Variants in TRAF5 observed in about 807,000 individuals in gnomAD.
The protein encoded by TRAF5 is TNF receptor associated factor 5.
In TRAF5, 48 loss-of-function variants were observed where a neutral mutation model predicts 64.5. The ratio of observed to expected loss-of-function variants is 0.74; its 90% CI spans 0.59 to 0.95. TRAF5 has a LOEUF of 0.95. Among genes scored for constraint, TRAF5 ranks in the 40% least tolerant of loss-of-function variants. TRAF5 has a pLI of 0.00. For synonymous variants in TRAF5, 206 were observed against 240.5 expected (o/e 0.86, Z 1.33); for missense variants, 545 against 662.8 (o/e 0.82, Z 1.95).
chr1:211,369,328 C>A, intron 8 of TRAF5, 124 bp from the exon 9 acceptor site: 1 of 931,130 alleles, frequency 1.1e-6, no homozygotes, highest in Non-Finnish European at 1.5e-6. Flanking sequence ...AAATATTTTC[C>A]TAGAAATAAA....
In TRAF5 at chr1:211,372,310, A is replaced by G. The variant is rs2102777185; in HGVS notation, c.1282A>G (p.Ile428Val). Residue 428 changes from isoleucine to valine, a missense_variant, in exon 11 of 11, where the codon ATC becomes GTC. By Grantham distance (29) the Ile-to-Val change is conservative. Coordinates refer to ENST00000261464, the MANE Select transcript of TRAF5 (RefSeq NM_001033910.3). ...REAVDGHTVS[I>V]FSQSFYTSRC... ...GGCGGTGGATGGGCACACAGTGTCC[A>G]TCTTCAGCCAGTCCTTCTACACCAG... is the stretch of plus-strand genomic sequence containing the variant. 3.7e-6 allele frequency: 6 copies of G among 1,614,178 alleles called. No individual in the cohort carries two copies. Among genetic ancestry groups the G allele is most frequent in the East Asian group, 2.2e-5 (1 of 44,876 alleles).
Position 211,373,287 on chromosome 1 carries a change from G to A in TRAF5, c.*585G>A, listed in dbSNP as rs1045774714. 1 of 152,278 alleles carries A rather than the reference G, an allele frequency of 6.6e-6. No homozygotes were observed. The highest frequency in any genetic ancestry group is 2.4e-5 in the African/African-American group (1 of 41,418). The allele number at this position is 152,278 out of a possible 1,614,324, so 9.4% of individuals were successfully genotyped here. A position where few individuals can be genotyped will look rare whatever the true frequency, so the allele number is the denominator to read the frequency against. ...AATTCACCAGCAGTTTGCAAGCACA[G>A]TTTTGCAAGGCTGCATAAGAACTGG... is the stretch of plus-strand genomic sequence containing the variant. On this transcript the variant is annotated 3_prime_UTR_variant, in exon 11 of 11. Transcript: ENST00000261464.
chr1:211,371,650 A>G (rs1212537827), intron 10 of TRAF5, among the ~76,000 whole-genome samples, 180 bp downstream of exon 10: 1 of 152,188 alleles, frequency 6.6e-6, no homozygotes, highest in Non-Finnish European at 1.5e-5. Flanking sequence ...AGGGAGGGCC[A>G]CAAGGGGGGT....
chr1:211,336,514 T>C (rs1288513327), intron 1 of TRAF5, among the ~76,000 whole-genome samples: 2 of 152,214 alleles, frequency 1.3e-5, no homozygotes, highest in Non-Finnish European at 2.9e-5. Context: ...TTTCAGGACT[T>C]ACAAACAGGT....
chr1:211,347,048 C>T (rs1702632575), intron 1 of TRAF5, among the ~76,000 whole-genome samples: 1 of 151,968 alleles, frequency 6.6e-6, no homozygotes, highest in South Asian at 2.1e-4. Flanking sequence ...CCATTGACTG[C>T]AGAAAGGTGA....
At chr1:211,365,962 C>T (rs373367377) in intron 8 of TRAF5, among the ~76,000 whole-genome samples, 1 of 152,170 alleles carries the variant, frequency 6.6e-6, no homozygotes, top group Non-Finnish European at 1.5e-5. Context: ...TTTGCAGAAG[C>T]TTTGCAACCC....
chr1:211,356,449 T>C lies in TRAF5; in HGVS notation c.359T>C (p.Val120Ala). The C allele has an allele frequency of 6.2e-7, 1 of 1,614,094 alleles. No individual in the cohort carries two copies. Among genetic ancestry groups the C allele is most frequent in the Non-Finnish European group, 8.5e-7 (1 of 1,179,930 alleles). The change falls in exon 4 of 11, where the codon GTT becomes GCT. Residue 120 changes from valine (V) to alanine (A), a missense_variant. Val to Ala is a moderately conservative substitution (Grantham distance 64). Coordinates refer to ENST00000261464, the MANE Select transcript of TRAF5 (RefSeq NM_001033910.3). ...AATGCTCCTGGATGTAATGCCAAGG[T>C]TATTCTGGGCCGGTACCAGGTTGGT... ...CSNAPGCNAK[V>A]ILGRYQDHLQ...
intron 1 of TRAF5, among the ~76,000 whole-genome samples, chr1:211,344,167 G>A (rs918634665): frequency 6.6e-6 from 1 of 152,154 alleles, no homozygotes; most frequent in Non-Finnish European, 1.5e-5. Flanking sequence ...AGGCCAGCAT[G>A]GGTGTGCAGC....
chr1:211,362,875 A>G (rs1405461476), intron 7 of TRAF5, among the ~76,000 whole-genome samples: 3 of 151,764 alleles, frequency 2.0e-5, no homozygotes, highest in East Asian at 1.9e-4. Context: ...GACAAAAAAA[A>G]GGGGGGGGCT....
At chr1:211,362,056 C>G (rs942966742) in intron 7 of TRAF5, among the ~76,000 whole-genome samples, 1 of 105,716 alleles carries the variant, frequency 9.5e-6, no homozygotes, top group Non-Finnish European at 2.0e-5. Context: ...GGGGTTACTC[C>G]TCTCATGATT....
chr1:211,363,131 G>A (rs931256320), intron 7 of TRAF5, among the ~76,000 whole-genome samples: 2 of 152,000 alleles, frequency 1.3e-5, no homozygotes, highest in Admixed American at 6.5e-5. Context: ...AGGGCAATTT[G>A]GTTATCTCTA....
At chr1:211,348,947 C>A (rs563628077) in intron 1 of TRAF5, among the ~76,000 whole-genome samples, 10 of 150,996 alleles carry the variant, frequency 6.6e-5, no homozygotes, top group African/African-American at 2.4e-4. Flanking sequence ...CTATAGTAAT[C>A]CCATTGCTTT....
chr1:211,336,682 C>A (rs777510389), intron 1 of TRAF5, among the ~76,000 whole-genome samples: 4 of 152,168 alleles, frequency 2.6e-5, no homozygotes, highest in African/African-American at 9.7e-5. Context: ...TGTTTTGAGA[C>A]GGAGTCTTGC....
chr1:211,354,544 G>A, intron 3 of TRAF5, 77 bp downstream of exon 3: 3 of 1,469,336 alleles, frequency 2.0e-6, no homozygotes, highest in Non-Finnish European at 2.8e-6. Context: ...ATTGAGATAG[G>A]AGCAGGAGAG....
At chr1:211,347,662 A>G (rs1442572603) in intron 1 of TRAF5, among the ~76,000 whole-genome samples, 1 of 152,222 alleles carries the variant, frequency 6.6e-6, no homozygotes, top group Non-Finnish European at 1.5e-5. Flanking sequence ...AGCAGGAGCA[A>G]GGAGACTGTG....
intron 1 of TRAF5, chr1:211,346,272 C>A (rs938096354): frequency 4.1e-6 from 3 of 733,812 alleles, no homozygotes; most frequent in African/African-American, 1.9e-5. Context: ...TGTAATTGAT[C>A]ATTTTTGTGC....
At position 211,372,199 on chromosome 1, in the gene TRAF5, G is replaced by T. The variant is rs746320684; in HGVS notation, c.1171G>T (p.Glu391Ter). The part of the protein sequence containing the change: ...NIHKAQLSKN[E>*]ERFKLLEGTC... ...TCATAAAGCACAGCTGAGTAAAAAT[G>T]AAGAGCGATTTAAACTGCTGGAGGG... is the stretch of plus-strand genomic sequence containing the variant. Residue 391 changes from glutamate to a stop codon, truncating the protein, a stop_gained, in exon 11 of 11, where the codon GAA (glutamate) becomes TAA (stop). Coordinates refer to ENST00000261464, the MANE Select transcript of TRAF5 (RefSeq NM_001033910.3). LOFTEE classifies it high-confidence loss of function. 6.2e-7 allele frequency: 1 copy of T among 1,607,840 alleles called. No homozygotes were observed. Among genetic ancestry groups the T allele is most frequent in the Non-Finnish European group, 8.5e-7 (1 of 1,176,780 alleles).
chr1:211,343,522 A>T lies in TRAF5; in HGVS notation c.-1-9717A>T, dbSNP rs566873527. Among the ~76,000 whole-genome samples the T allele has an allele frequency of 3.9e-5, 6 of 152,250 alleles. No individual in the cohort carries two copies. In the East Asian group the frequency reaches 1.2e-3, roughly 29 times the overall value. On this transcript the variant is annotated intron_variant, in intron 1 of 10. Coordinates refer to ENST00000261464, the MANE Select transcript of TRAF5 (RefSeq NM_001033910.3). ...CTGTAGCCTTGACCTCCTGGGCTCAAGCAATCCTCCCACCTCAGCCTCCGG... is the reference window on the plus strand; with the variant it reads ...CTGTAGCCTTGACCTCCTGGGCTCATGCAATCCTCCCACCTCAGCCTCCGG...
chr1:211,369,589 C>A lies in TRAF5; in HGVS notation c.927C>A (p.Ile309=). The change falls in exon 9 of 11, where the codon ATC becomes ATA. Residue 309 remains isoleucine, a synonymous_variant. Transcript: ENST00000261464. Reference sequence around the variant, plus strand: ...AAAATGGAAGCTTCCTCCCAAACATCCAGGTAAGAAATGGCCTTTGCGTTG... The same window carrying A: ...AAAATGGAAGCTTCCTCCCAAACATACAGGTAAGAAATGGCCTTTGCGTTG... ...FGKNGSFLPN[I]QVFASHIDKS... 1 of 1,588,808 alleles carries A rather than the reference C, an allele frequency of 6.3e-7. No individual in the cohort carries two copies.
Sources: allele counts gnomAD v4.1 joint callset (sites outside exome capture counted in the v4.1 genomes callset), GRCh38; gene constraint gnomAD v4.1.1; transcripts MANE v1.5; gene names NCBI Gene and HGNC (gene_info 2026-07-23, HGNC 2026-07-21).